The following PRKD1 variants were observed in gnomAD, a reference collection of about 807,000 sequenced individuals.
PRKD1 encodes the protein protein kinase D1.
In PRKD1, 63 loss-of-function variants were observed where a neutral mutation model predicts 95.9. That is an observed-to-expected ratio of 0.66 (90% CI 0.54 to 0.81). The LOEUF is 0.81. Among genes scored for constraint, PRKD1 ranks in the 30% least tolerant of loss-of-function variants. The probability of loss-of-function intolerance (pLI) is 0.00; values close to 1 mark genes in which losing one functional copy is unlikely to be tolerated. For missense variants in PRKD1, 1,048 were observed against 1,165.3 expected (o/e 0.90, Z 1.47); for synonymous variants, 425 against 423.1 (o/e 1.00, Z -0.05).
chr14:29,878,910 A>G (rs573445178), intron 1 of PRKD1, among the ~76,000 whole-genome samples: 6 of 152,338 alleles, frequency 3.9e-5, no homozygotes, highest in Admixed American at 2.0e-4. Context: ...TATACTATGT[A>G]TCTCTCATTA....
At chr14:29,893,247 T>C (rs1276767384) in intron 1 of PRKD1, among the ~76,000 whole-genome samples, 1 of 152,082 alleles carries the variant, frequency 6.6e-6, no homozygotes, top group East Asian at 1.9e-4. Flanking sequence ...TTTCCAAATA[T>C]TTAATACATA....
intron 16 of PRKD1, among the ~76,000 whole-genome samples, chr14:29,583,561 A>G (rs1892817333): frequency 6.6e-6 from 1 of 152,156 alleles, no homozygotes; most frequent in Non-Finnish European, 1.5e-5. Flanking sequence ...TCTTTCTAAC[A>G]TTATTCTGAG....
chr14:29,689,884 C>T (rs552959019), intron 2 of PRKD1, among the ~76,000 whole-genome samples: 1 of 152,236 alleles, frequency 6.6e-6, no homozygotes, highest in African/African-American at 2.4e-5. Flanking sequence ...AACCAAACAC[C>T]ACATGTTCTC....
Position 29,644,335 on chromosome 14 carries a change from C to T in PRKD1, c.697-5431G>A, listed in dbSNP as rs913669807. ...AAATCTGTGCAGAACTCTTCTGCTACCAAACTCAAACACTTAATAGGCTGT... is the reference window on the plus strand; with the variant it reads ...AAATCTGTGCAGAACTCTTCTGCTATCAAACTCAAACACTTAATAGGCTGT... On this transcript the variant is annotated intron_variant, in intron 4 of 17. Transcript: ENST00000331968. 5.3e-5 allele frequency among the ~76,000 whole-genome samples: 8 copies of T among 152,156 alleles called. No homozygotes were observed. In the South Asian group the frequency reaches 1.0e-3, roughly 20 times the overall value.
chr14:29,843,683 G>A (rs1891961624), intron 1 of PRKD1, among the ~76,000 whole-genome samples: 1 of 152,200 alleles, frequency 6.6e-6, no homozygotes, highest in African/African-American at 2.4e-5. Flanking sequence ...CTTGACTTCA[G>A]TAAGCAAAAG....
At chr14:29,885,235 A>C (rs1441473335) in intron 1 of PRKD1, among the ~76,000 whole-genome samples, 6 of 152,170 alleles carry the variant, frequency 3.9e-5, no homozygotes, top group Non-Finnish European at 8.8e-5. Flanking sequence ...GGATAAAGAT[A>C]CAGAGGCAAG....
intron 1 of PRKD1, among the ~76,000 whole-genome samples, chr14:29,789,185 C>G (rs1361501198): frequency 6.6e-6 from 1 of 152,176 alleles, no homozygotes; most frequent in Non-Finnish European, 1.5e-5. Context: ...CATGCCTAGC[C>G]TCACTGAGTT....
At chr14:29,582,087 C>T (rs778437434) in intron 16 of PRKD1, among the ~76,000 whole-genome samples, 1 of 151,840 alleles carries the variant, frequency 6.6e-6, no homozygotes, top group Non-Finnish European at 1.5e-5. Context: ...ACTCATTCTA[C>T]CAATCTGGTA....
At position 29,631,010 on chromosome 14, in the gene PRKD1, T is replaced by A. The variant is rs751035735; in HGVS notation, c.1404A>T (p.Leu468Phe). 6.2e-7 allele frequency: 1 copy of A among 1,605,784 alleles called. No individual in the cohort carries two copies. The highest frequency in any genetic ancestry group is 8.5e-7 in the Non-Finnish European group (1 of 1,174,684). ...TGSRYYKEIP[L>F]SEILSLEPVK... is the part of the protein sequence containing the mutation. ...CTGGTTCCAGAGACAAAATTTCAGATAAAGGAATTTCCTGTGAAAGAAAAA... is the reference window on the plus strand; with the variant it reads ...CTGGTTCCAGAGACAAAATTTCAGAAAAAGGAATTTCCTGTGAAAGAAAAA... Residue 468 changes from leucine to phenylalanine, a missense_variant, in exon 10 of 18, where the codon TTA (leucine) becomes TTT (phenylalanine). Around this residue, in one of 3 missense-constraint regions of PRKD1, gnomAD observed 739 missense variants for 861.9 expected, o/e 0.86. Transcript: ENST00000331968.
At chr14:29,671,577 A>G (rs1185842002) in intron 2 of PRKD1, among the ~76,000 whole-genome samples, 2 of 146,056 alleles carry the variant, frequency 1.4e-5, no homozygotes, top group African/African-American at 5.2e-5. Flanking sequence ...TCTTTTCTAG[A>G]AAAATAGACC....
intron 13 of PRKD1, among the ~76,000 whole-genome samples, chr14:29,619,214 A>G (rs2139073690): frequency 6.6e-6 from 1 of 151,922 alleles, no homozygotes; most frequent in African/African-American, 2.4e-5. Context: ...AGCCAACCCC[A>G]CTGCCATCCC....
At chr14:29,738,758 T>C (rs935604336) in intron 1 of PRKD1, among the ~76,000 whole-genome samples, 4 of 151,096 alleles carry the variant, frequency 2.6e-5, no homozygotes, top group Admixed American at 6.6e-5. Flanking sequence ...TCTTTCTTTC[T>C]TTCCTTCCTT....
At chr14:29,707,146 A>G (rs1297488653) in intron 2 of PRKD1, among the ~76,000 whole-genome samples, 2 of 152,190 alleles carry the variant, frequency 1.3e-5, no homozygotes, top group African/African-American at 4.8e-5. Context: ...AAACAATTTC[A>G]TAAATAATGT....
intron 1 of PRKD1, among the ~76,000 whole-genome samples, chr14:29,840,928 C>G (rs1891816942): frequency 2.0e-5 from 3 of 152,160 alleles, no homozygotes; most frequent in Non-Finnish European, 4.4e-5. Context: ...CAAACCGTAT[C>G]AGGGGTAGTG....
chr14:29,904,460 C>A (rs1038760153), intron 1 of PRKD1, among the ~76,000 whole-genome samples: 8 of 152,152 alleles, frequency 5.3e-5, no homozygotes, highest in Admixed American at 2.6e-4. Flanking sequence ...TAGATGTTTA[C>A]CTCTTAGGTT....
At chr14:29,860,138 G>A (rs987775940) in intron 1 of PRKD1, among the ~76,000 whole-genome samples, 10 of 152,310 alleles carry the variant, frequency 6.6e-5, no homozygotes, top group Admixed American at 2.0e-4. Flanking sequence ...GTGAATAAAT[G>A]TGCCACATCT....
At chr14:29,782,135 G>A (rs957237243) in intron 1 of PRKD1, among the ~76,000 whole-genome samples, 2 of 152,272 alleles carry the variant, frequency 1.3e-5, no homozygotes, top group East Asian at 1.9e-4. Context: ...AATCCTACTT[G>A]TTTTGAGAAG....
chr14:29,663,210 T>G (rs1882289799), intron 4 of PRKD1, among the ~76,000 whole-genome samples: 1 of 149,276 alleles, frequency 6.7e-6, no homozygotes, highest in Non-Finnish European at 1.5e-5. Context: ...TAAGTCCTAT[T>G]TTTCTCACAG....
At chr14:29,709,481 G>A (rs1328673609) in intron 2 of PRKD1, among the ~76,000 whole-genome samples, 5 of 152,120 alleles carry the variant, frequency 3.3e-5, no homozygotes, top group South Asian at 2.1e-4. Context: ...TCAGGGGGAC[G>A]GTTGTTATAT....
Sources: allele counts gnomAD v4.1 joint callset (sites outside exome capture counted in the v4.1 genomes callset), GRCh38; gene constraint gnomAD v4.1.1; regional missense constraint gnomAD v4.1.1; transcripts MANE v1.5; gene names NCBI Gene and HGNC (gene_info 2026-07-23, HGNC 2026-07-21).